ZNF239: variants seen among roughly 807,000 people sequenced by gnomAD.
ZNF239 encodes zinc finger protein 239.
Under a neutral mutation model 27.5 loss-of-function variants are expected in ZNF239, and 16 were observed. That is an observed-to-expected ratio of 0.58 (90% CI 0.39 to 0.88). The LOEUF (loss-of-function observed/expected upper bound fraction) is 0.88, where lower values mean the gene tolerates loss of function less well. Ranked by LOEUF, ZNF239 falls within the 40% of genes least tolerant of loss-of-function variation. The pLI is 0.00. For missense variants in ZNF239, 527 were observed against 551.9 expected (o/e 0.95, Z 0.45); for synonymous variants, 199 against 192.6 (o/e 1.03, Z -0.27).
rs952503267 is a variant in ZNF239, at chr10:43,557,645, T to G, written c.435A>C (p.Glu145Asp). The change falls in exon 4 of 4, where the codon GAA (glutamate) becomes GAC (aspartate). Residue 145 changes from glutamate (E) to aspartate (D), a missense_variant. Coordinates refer to ENST00000374446, the MANE Select transcript of ZNF239 (RefSeq NM_001099282.2). The part of the protein sequence containing the change: ...EATCQNGQLK[E>D]SLDPIDCNCK... ...AGTTACAGTCAATGGGATCCAAAGA[T>G]TCTTTTAACTGGCCATTCTGGCAAG... 1.4e-5 allele frequency: 22 copies of G among 1,614,202 alleles called. No individual in the cohort carries two copies. The highest frequency in any genetic ancestry group is 1.8e-5 in the Non-Finnish European group (21 of 1,180,038).
In ZNF239 at chr10:43,557,428, G is replaced by C. The variant is rs768311248; in HGVS notation, c.652C>G (p.Gln218Glu). 1 of 1,614,098 alleles carries C rather than the reference G, an allele frequency of 6.2e-7. No homozygotes were observed. Among genetic ancestry groups the C allele is most frequent in the South Asian group, 1.1e-5 (1 of 91,080 alleles). Reference protein sequence around the residue: ...ECSQCGKNFSQSSELLLHQRD... With the variant: ...ECSQCGKNFSESSELLLHQRD... ...TGATGAAGTAGTAGCTCTGAGCTTT[G>C]ACTGAAGTTCTTACCACACTGACTA... Residue 218 changes from glutamine to glutamate, a missense_variant, in exon 4 of 4, where the codon CAA (glutamine) becomes GAA (glutamate). Coordinates refer to ENST00000374446, the MANE Select transcript of ZNF239 (RefSeq NM_001099282.2).
In ZNF239 at chr10:43,562,833, T is replaced by G. The variant is rs55743958; in HGVS notation, c.-92-4662A>C. On this transcript the variant is annotated intron_variant, in intron 3 of 3. Coordinates refer to ENST00000374446, the MANE Select transcript of ZNF239 (RefSeq NM_001099282.2). ...CAGGGCAGTTTGTAGCGTTAAATCATGAAATGGGCTGAAATGATTAAATGG... is the reference window on the plus strand; with the variant it reads ...CAGGGCAGTTTGTAGCGTTAAATCAGGAAATGGGCTGAAATGATTAAATGG... 7.8e-3 allele frequency among the ~76,000 whole-genome samples: 1,181 copies of G among 152,228 alleles called. 12 individuals are homozygous for G. Among genetic ancestry groups the G allele is most frequent in the African/African-American group, 0.027 (1,137 of 41,524 alleles).
chr10:43,559,345 C>T (rs1183014465), intron 3 of ZNF239, among the ~76,000 whole-genome samples: 3 of 152,098 alleles, frequency 2.0e-5, no homozygotes, highest in African/African-American at 2.4e-5. Flanking sequence ...AGAAGAAAAA[C>T]GGTAAGGATG....
Position 43,557,091 on chromosome 10 carries a change from T to C in ZNF239, c.989A>G (p.Gln330Arg), listed in dbSNP as rs1418180610. ...CTGGTGGATGTGCAGGTTTGAGCGC[T>C]GACTGAAGCTCATACCACACTCCTC... is the stretch of plus-strand genomic sequence containing the variant. ...ECEECGMSFSQRSNLHIHQRV... is the reference protein window; with the variant it reads ...ECEECGMSFSRRSNLHIHQRV... Residue 330 changes from glutamine (Q) to arginine (R), a missense_variant, in exon 4 of 4, where the codon CAG becomes CGG. By Grantham distance (43) the Gln-to-Arg change is conservative (BLOSUM62 1). Coordinates refer to ENST00000374446, the MANE Select transcript of ZNF239 (RefSeq NM_001099282.2). 3 of 1,612,796 alleles carry C rather than the reference T, an allele frequency of 1.9e-6. No homozygotes were observed. The highest frequency in any genetic ancestry group is 1.7e-5 in the Admixed American group (1 of 59,944).
chr10:43,558,873 C>T (rs1837006095), intron 3 of ZNF239, among the ~76,000 whole-genome samples: 1 of 151,954 alleles, frequency 6.6e-6, no homozygotes, highest in Non-Finnish European at 1.5e-5. Flanking sequence ...ACAAATACAC[C>T]AAATAATGAT....
In ZNF239 at chr10:43,557,989, G is replaced by A; in HGVS notation, c.91C>T (p.Gln31Ter). ...GGAGAAGATGCTTCTCCCCACTGTT[G>A]ACAAGGGGAAATATCTAGTTCAGGC... ...GEPELDISPC[Q>*]QWGEASSPIS... Residue 31 changes from glutamine to a stop codon, truncating the protein, a stop_gained, in exon 4 of 4, where the codon CAA (glutamine) becomes TAA (stop). Transcript: ENST00000374446. LOFTEE classifies it low-confidence loss of function (END_TRUNC). 6.2e-7 allele frequency: 1 copy of A among 1,614,144 alleles called. No homozygotes were observed. The highest frequency in any genetic ancestry group is 8.5e-7 in the Non-Finnish European group (1 of 1,179,996).
chr10:43,558,262 T>A, intron 3 of ZNF239, 91 bp from the exon 4 acceptor site: 1 of 1,212,420 alleles, frequency 8.2e-7, no homozygotes, highest in Non-Finnish European at 1.1e-6. Context: ...TCTTAGTAAC[T>A]AGGAAAAAGT....
intron 1 of ZNF239, among the ~76,000 whole-genome samples, chr10:43,574,232 GC>G (rs1838213537): frequency 6.6e-6 from 1 of 152,216 alleles, no homozygotes; most frequent in Admixed American, 6.5e-5. Context: ...CAACCACGAA[GC>G]CCCCAGCCGG....
intron 3 of ZNF239, among the ~76,000 whole-genome samples, chr10:43,565,874 A>G (rs1422242727): frequency 1.3e-5 from 2 of 151,736 alleles, no homozygotes; most frequent in Non-Finnish European, 2.9e-5. Context: ...TCTGCAGAGC[A>G]AAGGACTAAG....
Position 43,558,191 on chromosome 10 carries a change from C to A in ZNF239, c.-92-20G>T. 4 of 1,463,430 alleles carry A rather than the reference C, an allele frequency of 2.7e-6. No individual in the cohort carries two copies. The South Asian group carries it at 4.4e-5, about 16-fold the overall frequency. The allele number at this position is 1,463,430 out of a possible 1,614,324, so 90.7% of individuals were successfully genotyped here. ...AGTCTCCTAGGGAACAAAGACAATT[C>A]AGTGGTAAGAACAAAGGGTAGACTT... On this transcript the variant is annotated intron_variant, in intron 3 of 3. Coordinates refer to ENST00000374446, the MANE Select transcript of ZNF239 (RefSeq NM_001099282.2).
chr10:43,558,571 C>A (rs902830879), intron 3 of ZNF239, among the ~76,000 whole-genome samples: 2 of 152,136 alleles, frequency 1.3e-5, no homozygotes, highest in Admixed American at 1.3e-4. Flanking sequence ...ACCTCAGCCT[C>A]CCAAGTAGCT....
chr10:43,572,208 G>C (rs1383352460), intron 2 of ZNF239, among the ~76,000 whole-genome samples: 2 of 152,132 alleles, frequency 1.3e-5, no homozygotes, highest in Non-Finnish European at 2.9e-5. Flanking sequence ...TACTAAACTG[G>C]CAATCCCCAG....
intron 2 of ZNF239, among the ~76,000 whole-genome samples, chr10:43,572,606 G>C (rs1278080958): frequency 6.6e-6 from 1 of 152,202 alleles, no homozygotes; most frequent in Non-Finnish European, 1.5e-5. Flanking sequence ...TGAAACAAAG[G>C]ACAAGGCACT....
chr10:43,567,926 C>A lies in ZNF239; in HGVS notation c.-120G>T, dbSNP rs985906464. 1 of 985,886 alleles carries A rather than the reference C, an allele frequency of 1.0e-6. No homozygotes were observed. The highest frequency in any genetic ancestry group is 1.2e-6 in the Non-Finnish European group (1 of 829,974). The allele number at this position is 985,886 out of a possible 1,614,324, so 61.1% of individuals were successfully genotyped here. A position where few individuals can be genotyped will look rare whatever the true frequency, so the allele number is the denominator to read the frequency against. ...AGACCAAGTTTCTGTAGTTGCCCAGCATCACAGCTCCGCACAGCTTCCTGG... is the reference window on the plus strand; with the variant it reads ...AGACCAAGTTTCTGTAGTTGCCCAGAATCACAGCTCCGCACAGCTTCCTGG... On this transcript the variant is annotated 5_prime_UTR_variant, in exon 3 of 4. An upstream start codon of the reference 5' UTR is lost. Transcript: ENST00000374446.
chr10:43,574,240 C>G (rs1838214549), intron 1 of ZNF239, among the ~76,000 whole-genome samples: 1 of 152,246 alleles, frequency 6.6e-6, no homozygotes, highest in African/African-American at 2.4e-5. Context: ...AAGCCCCCAG[C>G]CGGCCCAGGC....
intron 1 of ZNF239, 85 bp downstream of exon 1, chr10:43,574,455 C>G (rs550004219): frequency 6.6e-6 from 1 of 152,256 alleles, no homozygotes; most frequent in Non-Finnish European, 1.5e-5. Flanking sequence ...CGCAGCTCGG[C>G]GGCCCAGCGC....
At chr10:43,558,455 A>ATTTTT (rs759057158) in intron 3 of ZNF239, among the ~76,000 whole-genome samples, 1 of 147,592 alleles carries the variant, frequency 6.8e-6, no homozygotes. Flanking sequence ...ATCTCACTTC[A>ATTTTT]TTTTTTTTTT....
At chr10:43,572,486 A>T (rs1157990504) in intron 2 of ZNF239, among the ~76,000 whole-genome samples, 1 of 152,200 alleles carries the variant, frequency 6.6e-6, no homozygotes, top group African/African-American at 2.4e-5. Context: ...CTTAAAACGC[A>T]GTCTGATATT....
At chr10:43,563,005 A>T (rs1837373612) in intron 3 of ZNF239, among the ~76,000 whole-genome samples, 1 of 152,166 alleles carries the variant, frequency 6.6e-6, no homozygotes, top group Non-Finnish European at 1.5e-5. Flanking sequence ...AGCTTTTAAA[A>T]AAATGTTTAA....
Sources: allele counts gnomAD v4.1 joint callset (sites outside exome capture counted in the v4.1 genomes callset), GRCh38; gene constraint gnomAD v4.1.1; transcripts MANE v1.5; gene names NCBI Gene and HGNC (gene_info 2026-07-23, HGNC 2026-07-21).